Variants in CHODL observed in about 807,000 individuals in gnomAD.
CHODL encodes chondrolectin.
A neutral mutation model predicts 34.5 loss-of-function variants in CHODL; 29 were observed. The observed-to-expected ratio is 0.84, with a 90% CI of 0.63 to 1.15. The LOEUF (loss-of-function observed/expected upper bound fraction) is 1.15, where lower values mean the gene tolerates loss of function less well. CHODL is among the 50% of genes most tolerant of loss of function. The pLI, the probability that CHODL is intolerant of heterozygous loss-of-function variation, is 0.00. For missense variants in CHODL, 332 were observed against 332.5 expected (o/e 1.00, Z 0.01); for synonymous variants, 125 against 116.1 (o/e 1.08, Z -0.49).
intron 2 of CHODL, among the ~76,000 whole-genome samples, chr21:18,116,493 C>T (rs80324088): frequency 0.014 from 2,091 of 152,290 alleles, 52 homozygotes; most frequent in African/African-American, 0.046. Flanking sequence ...TTCAAATCAA[C>T]GCCATCTCAT....
chr21:18,177,114 C>CA (rs1375877261), intron 2 of CHODL, among the ~76,000 whole-genome samples: 1 of 151,772 alleles, frequency 6.6e-6, no homozygotes, highest in Non-Finnish European at 1.5e-5. Flanking sequence ...ACTTCTTCAT[C>CA]AAAAAAGTCC....
At chr21:18,141,026 G>A (rs1490911432) in intron 2 of CHODL, among the ~76,000 whole-genome samples, 3 of 151,932 alleles carry the variant, frequency 2.0e-5, no homozygotes, top group Non-Finnish European at 4.4e-5. Flanking sequence ...TTTTTATATG[G>A]GAGTTACTGG....
At chr21:18,260,020 T>C (rs2074361359) in intron 3 of CHODL, among the ~76,000 whole-genome samples, 180 bp from the exon 4 acceptor site, 1 of 152,230 alleles carries the variant, frequency 6.6e-6, no homozygotes, top group Non-Finnish European at 1.5e-5. Flanking sequence ...GAATTAAATG[T>C]TGACTTTATA....
Position 18,256,357 on chromosome 21 carries a change from G to A in CHODL, c.80-152G>A, listed in dbSNP as rs569642987. The A allele has an allele frequency of 7.1e-5, 59 of 825,540 alleles. 1 individual carries two copies. In the African/African-American group the frequency reaches 9.3e-4, roughly 13 times the overall value. The allele number at this position is 825,540 out of a possible 1,614,324, so 51.1% of individuals were successfully genotyped here. A position where few individuals can be genotyped will look rare whatever the true frequency, so the allele number is the denominator to read the frequency against. ...TGCTTTTACAAATTGCAAGCAATAGGCTAGAAAATAAACTTTATGAAATAA... is the reference window on the plus strand; with the variant it reads ...TGCTTTTACAAATTGCAAGCAATAGACTAGAAAATAAACTTTATGAAATAA... On this transcript the variant is annotated intron_variant, in intron 1 of 5. Coordinates refer to ENST00000299295, the MANE Select transcript of CHODL (RefSeq NM_024944.3).
chr21:18,226,608 A>G (rs989865102), intron 2 of CHODL, among the ~76,000 whole-genome samples: 2 of 152,102 alleles, frequency 1.3e-5, no homozygotes, highest in Non-Finnish European at 2.9e-5. Context: ...CATGTTTTAC[A>G]TTTTATATAC....
intron 2 of CHODL, among the ~76,000 whole-genome samples, chr21:18,129,892 CTGTGTGTGTGTG>C (rs150557806): frequency 7.3e-4 from 103 of 140,650 alleles, no homozygotes; most frequent in East Asian, 2.4e-3. Context: ...CTGTCTTTCT[CTGTGTGTGTGTG>C]TGTGTGTGTG....
intron 2 of CHODL, among the ~76,000 whole-genome samples, chr21:18,228,895 C>A (rs933803015): frequency 6.6e-6 from 1 of 152,132 alleles, no homozygotes; most frequent in African/African-American, 2.4e-5. Flanking sequence ...TTTTAGCTCA[C>A]CAACTTAAAA....
intron 2 of CHODL, among the ~76,000 whole-genome samples, chr21:18,127,889 C>T (rs1010546519): frequency 6.6e-6 from 1 of 151,712 alleles, no homozygotes; most frequent in Admixed American, 6.6e-5. Flanking sequence ...AACAGACCAA[C>T]ATAAACCTGA....
chr21:18,171,736 G>GTTTTTTTTTTTTT (rs71189587), intron 2 of CHODL, among the ~76,000 whole-genome samples: 1 of 146,500 alleles, frequency 6.8e-6, no homozygotes, highest in Non-Finnish European at 1.5e-5. Context: ...ATTCTCTTCA[G>GTTTTTTTTTTTTT]TTTTTTTTTT....
chr21:18,061,479 T>C (rs1366734348), intron 2 of CHODL, among the ~76,000 whole-genome samples: 1 of 152,210 alleles, frequency 6.6e-6, no homozygotes, highest in Non-Finnish European at 1.5e-5. Flanking sequence ...AAAATATTTC[T>C]CAAGGAACAG....
intron 2 of CHODL, among the ~76,000 whole-genome samples, chr21:18,172,069 A>G (rs1819648970): frequency 6.6e-6 from 1 of 152,160 alleles, no homozygotes; most frequent in Non-Finnish European, 1.5e-5. Context: ...ACAGCCTTAC[A>G]TATTTTCATG....
chr21:18,225,190 G>A (rs17436458), intron 2 of CHODL, among the ~76,000 whole-genome samples: 6,075 of 152,148 alleles, frequency 0.04, 161 homozygotes, highest in Non-Finnish European at 0.059. Flanking sequence ...TAAAATAGCC[G>A]TTATCATGAA....
intron 1 of CHODL, among the ~76,000 whole-genome samples, chr21:17,956,184 A>G (rs532975943): frequency 2.9e-5 from 4 of 136,326 alleles, no homozygotes; most frequent in South Asian, 2.9e-4. Context: ...TGGGTCCTTC[A>G]TGAATGATTT....
At chr21:18,095,821 T>C (rs1252498902) in intron 2 of CHODL, among the ~76,000 whole-genome samples, 1 of 152,216 alleles carries the variant, frequency 6.6e-6, no homozygotes, top group Non-Finnish European at 1.5e-5. Flanking sequence ...CAGTGGGATT[T>C]ATCCCAGGGA....
intron 2 of CHODL, among the ~76,000 whole-genome samples, chr21:18,039,150 G>T (rs1007921727): frequency 6.6e-6 from 1 of 151,610 alleles, no homozygotes; most frequent in African/African-American, 2.4e-5. Flanking sequence ...GATTTATGCT[G>T]CCTCAATGTC....
At chr21:18,120,828 C>T (rs1448079091) in intron 2 of CHODL, among the ~76,000 whole-genome samples, 1 of 151,864 alleles carries the variant, frequency 6.6e-6, no homozygotes, top group East Asian at 1.9e-4. Context: ...ACCAAAAATC[C>T]TGTGTTCAAA....
At chr21:18,028,264 CTT>C (rs1211223463) in intron 2 of CHODL, among the ~76,000 whole-genome samples, 932 of 38,416 alleles carry the variant, frequency 0.024, 47 homozygotes, top group South Asian at 0.079. Flanking sequence ...TTTTCTTTTT[CTT>C]TTTCCTTTTC....
At position 18,251,764 on chromosome 21, in the gene CHODL, TA is replaced by T. The variant is rs1214852706; in HGVS notation, c.80-4741del. ...TATTTTATTTATTTATTTTAATATA[TA>T]AAATAAATATTTATATACTTTATAT... On this transcript the variant is annotated intron_variant, in intron 1 of 5. Transcript: ENST00000299295. 5.6e-5 allele frequency among the ~76,000 whole-genome samples: 8 copies of T among 143,888 alleles called. 1 individual carries two copies. The South Asian group carries it at 1.1e-3, about 19-fold the overall frequency. The allele number at this position is 143,888 out of a possible 152,430, so 94.4% of individuals were successfully genotyped here. A position where few individuals can be genotyped will look rare whatever the true frequency, so the allele number is the denominator to read the frequency against.
At chr21:18,245,886 T>C (rs558464359) in intron 1 of CHODL, 1 of 1,534,794 alleles carries the variant, frequency 6.5e-7, no homozygotes, top group East Asian at 2.4e-5. Context: ...CACACTGCGT[T>C]CCAAGTTGGG....
Sources: gnomAD v4.1 joint callset for allele counts (sites outside exome capture counted in the v4.1 genomes callset) on GRCh38, gnomAD v4.1.1 for gene constraint, MANE v1.5 for transcripts, NCBI Gene and HGNC (gene_info 2026-07-23, HGNC 2026-07-21) for gene names.